Variants in PRKAA2 observed in about 807,000 individuals in gnomAD.
PRKAA2 encodes 5'-AMP-activated protein kinase catalytic subunit alpha-2.
Under a neutral mutation model 56.3 loss-of-function variants are expected in PRKAA2, and 40 were observed. That is an observed-to-expected ratio of 0.71 (90% confidence interval 0.55 to 0.92). PRKAA2 has a LOEUF of 0.92. Ranked by LOEUF, PRKAA2 falls within the 40% of genes least tolerant of loss-of-function variation. The pLI is 0.00. For synonymous variants in PRKAA2, 214 were observed against 234.2 expected (o/e 0.91, Z 0.79); for missense variants, 542 against 686.9 (o/e 0.79, Z 2.36).
chr1:56,667,619 T>C (rs1285568208), intron 1 of PRKAA2, among the ~76,000 whole-genome samples: 2 of 152,174 alleles, frequency 1.3e-5, no homozygotes, highest in Non-Finnish European at 2.9e-5. Flanking sequence ...ACTAGTCAGT[T>C]TGAATTTCTC....
intron 6 of PRKAA2, among the ~76,000 whole-genome samples, chr1:56,703,231 A>G (rs1456564621): frequency 6.6e-6 from 1 of 152,214 alleles, no homozygotes; most frequent in Non-Finnish European, 1.5e-5. Context: ...GAGGACCTCA[A>G]GGGGGATTTT....
chr1:56,664,436 G>T (rs1035601989), intron 1 of PRKAA2, among the ~76,000 whole-genome samples: 1 of 151,170 alleles, frequency 6.6e-6, no homozygotes, highest in Non-Finnish European at 1.5e-5. Context: ...TGAATTTTTT[G>T]AATTTTTTAA....
intron 5 of PRKAA2, among the ~76,000 whole-genome samples, chr1:56,695,176 G>T (rs1295625031): frequency 3.2e-5 from 4 of 123,482 alleles, no homozygotes; most frequent in African/African-American, 1.3e-4. Context: ...CTATATATAT[G>T]ATATATTATA....
intron 1 of PRKAA2, among the ~76,000 whole-genome samples, chr1:56,667,196 C>T (rs564858677): frequency 1.1e-3 from 172 of 152,260 alleles, no homozygotes; most frequent in African/African-American, 3.7e-3. Flanking sequence ...ACATGCCTTC[C>T]ATCAGAGCCA....
At position 56,713,760 on chromosome 1, in the gene PRKAA2, CAGT is replaced by C. The variant is rs1469078498; in HGVS notation, c.*6048_*6050del. ...TACTAATTTAAACGTGCATTTTTCA[CAGT>C]TACACATTTAAGTTTTGCTACCAAA... On this transcript the variant is annotated 3_prime_UTR_variant, in exon 9 of 9. Coordinates refer to ENST00000371244, the MANE Select transcript of PRKAA2 (RefSeq NM_006252.4). 1 of 144,724 alleles carries C rather than the reference CAGT, an allele frequency of 6.9e-6. No homozygotes were observed. The highest frequency in any genetic ancestry group is 2.1e-4 in the East Asian group (1 of 4,854). 9.0% of individuals were successfully genotyped at this position (144,724 alleles called of 1,614,324 possible). A position where few individuals can be genotyped will look rare whatever the true frequency, so the allele number is the denominator to read the frequency against.
chr1:56,658,501 G>A (rs772738316), intron 1 of PRKAA2, among the ~76,000 whole-genome samples: 22 of 152,046 alleles, frequency 1.4e-4, no homozygotes, highest in Non-Finnish European at 3.1e-4. Flanking sequence ...TTCTCCAACG[G>A]TGTTAAAGAG....
At chr1:56,693,952 T>G in intron 5 of PRKAA2, 100 bp downstream of exon 5, 1 of 747,252 alleles carries the variant, frequency 1.3e-6, no homozygotes, top group Non-Finnish European at 2.1e-6. Flanking sequence ...TTTAACATGG[T>G]AGAAATGGAT....
chr1:56,646,545 CAT>C (rs1646644107), intron 1 of PRKAA2, among the ~76,000 whole-genome samples: 1 of 152,164 alleles, frequency 6.6e-6, no homozygotes. Flanking sequence ...TAATTAGTCA[CAT>C]GTGATTTAAT....
In PRKAA2 at chr1:56,709,048, A is replaced by G. The variant is rs1196554999; in HGVS notation, c.*1335A>G. The G allele has an allele frequency of 6.6e-6, 1 of 152,100 alleles. No individual in the cohort carries two copies. The highest frequency in any genetic ancestry group is 2.4e-5 in the African/African-American group (1 of 41,440). The allele number at this position is 152,100 out of a possible 1,614,324, so 9.4% of individuals were successfully genotyped here. A position where few individuals can be genotyped will look rare whatever the true frequency, so the allele number is the denominator to read the frequency against. ...ATATTTTGTTTTAGTAAAAGTATTT[A>G]ATTTTAAATTCTGTGTAATTTATCT... On this transcript the variant is annotated 3_prime_UTR_variant, in exon 9 of 9. Transcript: ENST00000371244.
intron 5 of PRKAA2, among the ~76,000 whole-genome samples, chr1:56,694,851 A>G (rs1211009216): frequency 6.6e-6 from 1 of 152,138 alleles, no homozygotes; most frequent in African/African-American, 2.4e-5. Context: ...ACAGCAAATG[A>G]TGTAAACAAT....
At chr1:56,646,961 A>G (rs187951804) in intron 1 of PRKAA2, among the ~76,000 whole-genome samples, 2 of 152,340 alleles carry the variant, frequency 1.3e-5, no homozygotes, top group African/African-American at 4.8e-5. Context: ...TAATCAGAAT[A>G]TATATGTAAA....
At chr1:56,688,565 A>G (rs1644207245) in intron 2 of PRKAA2, among the ~76,000 whole-genome samples, 1 of 152,208 alleles carries the variant, frequency 6.6e-6, no homozygotes, top group Admixed American at 6.5e-5. Flanking sequence ...CACTCAGGTC[A>G]TAGTATAGGA....
intron 1 of PRKAA2, among the ~76,000 whole-genome samples, chr1:56,649,734 C>G (rs776255212): frequency 1.1e-4 from 17 of 152,140 alleles, no homozygotes; most frequent in Non-Finnish European, 2.4e-4. Flanking sequence ...CTGCCTCAGC[C>G]TCACAGTGTT....
At chr1:56,684,597 A>T (rs1644178545) in intron 2 of PRKAA2, among the ~76,000 whole-genome samples, 1 of 152,158 alleles carries the variant, frequency 6.6e-6, no homozygotes, top group Non-Finnish European at 1.5e-5. Context: ...AAGCCAAGAG[A>T]AGAAAGTGTT....
intron 1 of PRKAA2, among the ~76,000 whole-genome samples, chr1:56,669,993 C>G (rs529996608): frequency 6.6e-6 from 1 of 152,086 alleles, no homozygotes; most frequent in Non-Finnish European, 1.5e-5. Context: ...GGATTTTTCC[C>G]CTCTTAAAAT....
chr1:56,651,078 G>A (rs1311076288), intron 1 of PRKAA2, among the ~76,000 whole-genome samples: 1 of 151,990 alleles, frequency 6.6e-6, no homozygotes, highest in Non-Finnish European at 1.5e-5. Context: ...TAACTCCCTG[G>A]GCCTTGTTTT....
In PRKAA2 at chr1:56,707,661, C is replaced by T; in HGVS notation, c.1607C>T (p.Thr536Ile). Reference sequence around the variant, plus strand: ...GTTTCACCTCGCCTGGGCAGTCACACCATGGATTTTTTTGAAATGTGTGCC... The same window carrying T: ...GTTTCACCTCGCCTGGGCAGTCACATCATGGATTTTTTTGAAATGTGTGCC... ...SSVSPRLGSH[T>I]MDFFEMCASL... Residue 536 changes from threonine (T) to isoleucine (I), a missense_variant, in exon 9 of 9, where the codon ACC (threonine) becomes ATC (isoleucine). Thr to Ile is a moderately conservative substitution (Grantham distance 89, BLOSUM62 -1). Coordinates refer to ENST00000371244, the MANE Select transcript of PRKAA2 (RefSeq NM_006252.4). 1 of 1,613,784 alleles carries T rather than the reference C, an allele frequency of 6.2e-7. No individual in the cohort carries two copies. Among genetic ancestry groups the T allele is most frequent in the African/African-American group, 1.3e-5 (1 of 75,018 alleles).
At position 56,670,266 on chromosome 1, in the gene PRKAA2, T is replaced by C. The variant is rs367547214; in HGVS notation, c.95-4115T>C. On this transcript the variant is annotated intron_variant, in intron 1 of 8. Coordinates refer to ENST00000371244, the MANE Select transcript of PRKAA2 (RefSeq NM_006252.4). ...GATTCAGCTTTGAGTGACAGAAATA[T>C]CCAAAATAAGAATGGCTTAAACAAA... Among the ~76,000 whole-genome samples the C allele has an allele frequency of 2.6e-5, 4 of 152,236 alleles. No homozygotes were observed. The East Asian group carries it at 7.7e-4, about 29-fold the overall frequency.
intron 1 of PRKAA2, among the ~76,000 whole-genome samples, chr1:56,658,587 TCC>T (rs35263676): frequency 1.6e-4 from 21 of 130,214 alleles, no homozygotes; most frequent in Middle Eastern, 4.2e-3. Flanking sequence ...TTTTTTTTCT[TCC>T]CCCCCCCCGC....
Sources: allele counts gnomAD v4.1 joint callset (sites outside exome capture counted in the v4.1 genomes callset), GRCh38; gene constraint gnomAD v4.1.1; transcripts MANE v1.5; gene names NCBI Gene and HGNC (gene_info 2026-07-23, HGNC 2026-07-21).